ADAMTS20: variants seen among roughly 807,000 people sequenced by gnomAD.
ADAMTS20 encodes the protein ADAM metallopeptidase with thrombospondin type 1 motif 20.
Under a neutral mutation model 260.1 loss-of-function variants are expected in ADAMTS20, and 225 were observed. The observed-to-expected ratio is 0.87, with a 90% CI of 0.78 to 0.97. The LOEUF is 0.97. Ranked by LOEUF, ADAMTS20 falls within the 50% of genes least tolerant of loss-of-function variation. The probability of loss-of-function intolerance (pLI) is 0.00; values close to 1 mark genes in which losing one functional copy is unlikely to be tolerated. For synonymous variants in ADAMTS20, 802 were observed against 769.5 expected, an observed-to-expected ratio of 1.04 and a Z score of -0.70; for missense variants, 2,400 against 2,337.7, an observed-to-expected ratio of 1.03 and a Z score of -0.55.
chr12:43,500,665 A>G (rs1054796174), intron 4 of ADAMTS20, among the ~76,000 whole-genome samples: 2 of 152,200 alleles, frequency 1.3e-5, no homozygotes, highest in Non-Finnish European at 1.5e-5. Context: ...ATCATTTTAT[A>G]TATTTGTTTT....
At chr12:43,461,920 G>T (rs1942072428) in intron 11 of ADAMTS20, among the ~76,000 whole-genome samples, 1 of 152,190 alleles carries the variant, frequency 6.6e-6, no homozygotes, top group South Asian at 2.1e-4. Flanking sequence ...AAGGTTATTA[G>T]TGTGTTAGAT....
Position 43,443,771 on chromosome 12 carries a change from T to C in ADAMTS20, c.2290+20A>G. 6.3e-7 allele frequency: 1 copy of C among 1,595,810 alleles called. No homozygotes were observed. Among genetic ancestry groups the C allele is most frequent in the Admixed American group, 1.7e-5 (1 of 59,922 alleles). On this transcript the variant is annotated intron_variant, in intron 16 of 38. Coordinates refer to ENST00000389420, the MANE Select transcript of ADAMTS20 (RefSeq NM_025003.5). ...TGCACATAAGCCACATACTGGCTGT[T>C]GTTTACGAGAAATGTTTACCAAGGT... is the stretch of plus-strand genomic sequence containing the variant.
Position 43,446,797 on chromosome 12 carries a change from T to A in ADAMTS20, c.2080-85A>T. 4.5e-6 allele frequency: 5 copies of A among 1,116,694 alleles called. No individual in the cohort carries two copies. In the South Asian group the frequency reaches 6.7e-5, roughly 15 times the overall value. 69.2% of individuals were successfully genotyped at this position (1,116,694 alleles called of 1,614,324 possible). The stretch of plus-strand genomic sequence containing the variant: ...AGATCCAAATACATACAATCAGATA[T>A]GACAAAGGGGATTTACCACTGACCC... On this transcript the variant is annotated intron_variant, in intron 14 of 38. Coordinates refer to ENST00000389420, the MANE Select transcript of ADAMTS20 (RefSeq NM_025003.5).
At chr12:43,384,869 G>C (rs974949693) in intron 29 of ADAMTS20, among the ~76,000 whole-genome samples, 3 of 152,102 alleles carry the variant, frequency 2.0e-5, no homozygotes, top group Non-Finnish European at 4.4e-5. Flanking sequence ...ATGGGCATTT[G>C]GGTTGGTTCA....
rs946019944 is a variant in ADAMTS20, at chr12:43,427,338, A to G, written c.4077T>C (p.Cys1359=). The part of the protein sequence containing the change: ...PELQQCGPGP[C]PQWNYGNWGE... Reference sequence around the variant, plus strand: ...CCCAATTTCCGTAGTTCCACTGTGGACAAGGCCCTGGACCACATTGCTGTA... The same window carrying G: ...CCCAATTTCCGTAGTTCCACTGTGGGCAAGGCCCTGGACCACATTGCTGTA... The change falls in exon 27 of 39, where the codon TGT becomes TGC. Residue 1359 remains cysteine, a synonymous_variant. Transcript: ENST00000389420. 2 of 1,613,744 alleles carry G rather than the reference A, an allele frequency of 1.2e-6. No individual in the cohort carries two copies.
chr12:43,434,464 C>A, intron 18 of ADAMTS20, 93 bp from the exon 19 acceptor site: 2 of 1,325,970 alleles, frequency 1.5e-6, no homozygotes, highest in Non-Finnish European at 1.0e-6. Flanking sequence ...CTTAAAGGAG[C>A]CAGCTAAGCA....
chr12:43,416,766 A>T (rs910118841), intron 28 of ADAMTS20, among the ~76,000 whole-genome samples: 1 of 151,426 alleles, frequency 6.6e-6, no homozygotes. Flanking sequence ...TCGTGATCCG[A>T]CCGCCTCGGC....
intron 7 of ADAMTS20, among the ~76,000 whole-genome samples, chr12:43,475,500 C>T (rs1470868683): frequency 1.3e-5 from 2 of 149,788 alleles, no homozygotes; most frequent in Admixed American, 1.3e-4. Flanking sequence ...CTTTAAAGTT[C>T]ATATGGAACC....
At position 43,454,013 on chromosome 12, in the gene ADAMTS20, T is replaced by C. The variant is rs1941919453; in HGVS notation, c.1654A>G (p.Thr552Ala). 6.2e-7 allele frequency: 1 copy of C among 1,613,660 alleles called. No homozygotes were observed. The highest frequency in any genetic ancestry group is 1.3e-5 in the African/African-American group (1 of 74,928). The change falls in exon 12 of 39, where the codon ACA becomes GCA. Residue 552 changes from threonine (T) to alanine (A), a missense_variant. Coordinates refer to ENST00000389420, the MANE Select transcript of ADAMTS20 (RefSeq NM_025003.5). Reference sequence around the variant, plus strand: ...CCCCATTCACCATTTACAGGACGTGTTTCCGTTTCTTTGTTTACACATAGC... The same window carrying C: ...CCCCATTCACCATTTACAGGACGTGCTTCCGTTTCTTTGTTTACACATAGC... ...HGLCVNKETE[T>A]RPVNGEWGPW...
At chr12:43,409,906 C>T (rs1055851024) in intron 28 of ADAMTS20, among the ~76,000 whole-genome samples, 1 of 152,112 alleles carries the variant, frequency 6.6e-6, no homozygotes, top group African/African-American at 2.4e-5. Flanking sequence ...AACAAGGGCA[C>T]ATTCAATAGG....
Position 43,430,455 on chromosome 12 carries a change from C to G in ADAMTS20, c.3278G>C (p.Gly1093Ala). Reference protein sequence around the residue: ...GPWGPCTTTCGHGYQMRDVKC... With the variant: ...GPWGPCTTTCAHGYQMRDVKC... Reference sequence around the variant, plus strand: ...AACATCTCGCATCTGATACCCATGTCCACATGTGGTTGTGCACTGAAAGAA... The same window carrying G: ...AACATCTCGCATCTGATACCCATGTGCACATGTGGTTGTGCACTGAAAGAA... Residue 1093 changes from glycine (G) to alanine (A), a missense_variant, in exon 23 of 39, where the codon GGA becomes GCA. Physicochemically the swap from Gly to Ala is moderately conservative, Grantham distance 60. Coordinates refer to ENST00000389420, the MANE Select transcript of ADAMTS20 (RefSeq NM_025003.5). 1.9e-6 allele frequency: 3 copies of G among 1,612,320 alleles called. No individual in the cohort carries two copies. The South Asian group carries it at 3.3e-5, about 18-fold the overall frequency.
chr12:43,441,293 T>C (rs1941661745), intron 16 of ADAMTS20, among the ~76,000 whole-genome samples: 1 of 151,718 alleles, frequency 6.6e-6, no homozygotes, highest in African/African-American at 2.4e-5. Context: ...TATATACCTA[T>C]AGAATATGTA....
chr12:43,543,932 A>T (rs768102970), intron 2 of ADAMTS20, among the ~76,000 whole-genome samples: 1 of 152,234 alleles, frequency 6.6e-6, no homozygotes, highest in Non-Finnish European at 1.5e-5. Context: ...TAGCTCATAA[A>T]CATATTTGTA....
At chr12:43,410,106 T>A (rs1941004448) in intron 28 of ADAMTS20, among the ~76,000 whole-genome samples, 1 of 152,224 alleles carries the variant, frequency 6.6e-6, no homozygotes, top group Non-Finnish European at 1.5e-5. Flanking sequence ...ACCTCTCGTT[T>A]TTTTTCATTT....
chr12:43,428,899 CT>C, intron 24 of ADAMTS20, 100 bp from the exon 25 acceptor site: 1 of 1,168,796 alleles, frequency 8.6e-7, no homozygotes, highest in Non-Finnish European at 1.1e-6. Context: ...CATCCAGTTT[CT>C]TGAGAAATTT....
intron 21 of ADAMTS20, among the ~76,000 whole-genome samples, 163 bp from the exon 22 acceptor site, chr12:43,431,659 T>G (rs996602322): frequency 4.6e-5 from 7 of 152,190 alleles, no homozygotes; most frequent in African/African-American, 7.2e-5. Context: ...AAAATCAGCC[T>G]GCCCCTAACT....
At chr12:43,373,772 T>C (rs12314922) in intron 36 of ADAMTS20, among the ~76,000 whole-genome samples, 32,613 of 140,938 alleles carry the variant, frequency 0.23, 4,257 homozygotes, top group African/African-American at 0.38. Flanking sequence ...CTCCGCCTCC[T>C]GGGTTCACGC....
At chr12:43,391,432 G>A (rs942107242) in intron 29 of ADAMTS20, among the ~76,000 whole-genome samples, 9 of 152,152 alleles carry the variant, frequency 5.9e-5, no homozygotes, top group Admixed American at 2.0e-4. Context: ...TGGGGATGAA[G>A]GAGGACTTGG....
chr12:43,394,361 T>G (rs1296867117), intron 29 of ADAMTS20, among the ~76,000 whole-genome samples: 2 of 152,110 alleles, frequency 1.3e-5, no homozygotes, highest in East Asian at 3.8e-4. Context: ...TATTCCAGAA[T>G]AGGCACCACT....
Sources: allele counts gnomAD v4.1 joint callset (sites outside exome capture counted in the v4.1 genomes callset), GRCh38; gene constraint gnomAD v4.1.1; transcripts MANE v1.5; gene names NCBI Gene and HGNC (gene_info 2026-07-23, HGNC 2026-07-21).